The following ECT2L variants were observed in gnomAD, a reference collection of about 807,000 sequenced individuals.
ECT2L encodes the protein epithelial cell transforming 2 like.
A neutral mutation model predicts 122.8 loss-of-function variants in ECT2L; 126 were observed. The ratio of observed to expected loss-of-function variants is 1.03; its 90% CI spans 0.89 to 1.19. The LOEUF is 1.19. Ranked by LOEUF, ECT2L falls within the 50% of genes most tolerant of loss-of-function variation. The probability of loss-of-function intolerance (pLI) is 0.00; values close to 1 mark genes in which losing one functional copy is unlikely to be tolerated. For synonymous variants in ECT2L, 385 were observed against 381.8 expected, an observed-to-expected ratio of 1.01 and a Z score of -0.10; for missense variants, 1,012 against 1,064.1, an observed-to-expected ratio of 0.95 and a Z score of 0.68.
At position 138,844,599 on chromosome 6, in the gene ECT2L, A is replaced by T; in HGVS notation, c.764+19A>T. The T allele has an allele frequency of 2.5e-6, 4 of 1,612,298 alleles. No homozygotes were observed. In the South Asian group the frequency reaches 4.4e-5, roughly 18 times the overall value. ...CCAAGCGGTAAGCAAAATTCCATCTACTGAAGGCTCAACACCATCCCAATA... is the reference window on the plus strand; with the variant it reads ...CCAAGCGGTAAGCAAAATTCCATCTTCTGAAGGCTCAACACCATCCCAATA... On this transcript the variant is annotated intron_variant, in intron 7 of 21. Coordinates refer to ENST00000541398, the MANE Select transcript of ECT2L (RefSeq NM_001077706.3).
intron 13 of ECT2L, among the ~76,000 whole-genome samples, chr6:138,868,904 T>C (rs1004779152): frequency 1.3e-5 from 2 of 152,188 alleles, no homozygotes. Flanking sequence ...TGGTGGCTTA[T>C]GCCTGTAATC....
chr6:138,886,740 A>G (rs1778834929), intron 18 of ECT2L, 117 bp from the exon 19 acceptor site: 4 of 758,610 alleles, frequency 5.3e-6, no homozygotes, highest in Non-Finnish European at 8.8e-6. Context: ...ACTTTCTATT[A>G]TAACATATGA....
At chr6:138,816,707 G>A (rs985632875) in intron 4 of ECT2L, among the ~76,000 whole-genome samples, 7 of 152,128 alleles carry the variant, frequency 4.6e-5, no homozygotes, top group African/African-American at 1.7e-4. Flanking sequence ...GGATGGTCTC[G>A]ATCTCCTGAT....
intron 20 of ECT2L, among the ~76,000 whole-genome samples, chr6:138,893,819 C>T (rs1047733263): frequency 1.3e-5 from 2 of 152,260 alleles, no homozygotes; most frequent in Non-Finnish European, 2.9e-5. Flanking sequence ...TTATTAAATG[C>T]TAAAGCTAGT....
intron 12 of ECT2L, among the ~76,000 whole-genome samples, chr6:138,867,590 A>G (rs1188851): frequency 0.2 from 29,975 of 149,772 alleles, 3,254 homozygotes; most frequent in Non-Finnish European, 0.24. Context: ...CAGGAGGATC[A>G]CTTGAGGTCA....
intron 4 of ECT2L, among the ~76,000 whole-genome samples, chr6:138,824,558 T>TAAAAAAAAA (rs748380178): frequency 5.1e-4 from 67 of 131,632 alleles, no homozygotes; most frequent in Non-Finnish European, 7.1e-4. Context: ...AAAAAAACTA[T>TAAAAAAAAA]AAAAAAAAAC....
intron 20 of ECT2L, among the ~76,000 whole-genome samples, chr6:138,897,536 ATTTAG>A (rs904915207): frequency 9.9e-5 from 15 of 152,094 alleles, no homozygotes; most frequent in African/African-American, 3.6e-4. Flanking sequence ...GCTTTTGCGT[ATTTAG>A]TTTAACCGTA....
intron 5 of ECT2L, among the ~76,000 whole-genome samples, chr6:138,839,134 ATCTC>A (rs2128387429): frequency 6.6e-6 from 1 of 152,248 alleles, no homozygotes; most frequent in South Asian, 2.1e-4. Context: ...TTTGTATATT[ATCTC>A]TGATAACTCA....
At chr6:138,896,854 G>T (rs1024477557) in intron 20 of ECT2L, among the ~76,000 whole-genome samples, 3 of 151,980 alleles carry the variant, frequency 2.0e-5, no homozygotes, top group Admixed American at 6.6e-5. Flanking sequence ...CGCCATGTTG[G>T]CCAGGCTAGT....
intron 18 of ECT2L, among the ~76,000 whole-genome samples, chr6:138,886,455 T>C (rs1169953391): frequency 1.3e-5 from 2 of 152,204 alleles, no homozygotes; most frequent in African/African-American, 2.4e-5. Context: ...TCACCAAGGC[T>C]TGAGTGTAGT....
intron 11 of ECT2L, 130 bp from the exon 12 acceptor site, chr6:138,864,866 A>T: frequency 1.3e-6 from 1 of 798,692 alleles, no homozygotes; most frequent in Non-Finnish European, 1.9e-6. Flanking sequence ...TGTTTGTCTT[A>T]GTCTTCTAAT....
At chr6:138,886,305 G>A (rs1778819570) in intron 18 of ECT2L, among the ~76,000 whole-genome samples, 2 of 152,122 alleles carry the variant, frequency 1.3e-5, no homozygotes, top group African/African-American at 2.4e-5. Context: ...ACAGGCATCT[G>A]GGCTGAATGT....
intron 4 of ECT2L, among the ~76,000 whole-genome samples, chr6:138,830,701 C>G (rs11155013): frequency 2.0e-5 from 3 of 151,966 alleles, no homozygotes; most frequent in Non-Finnish European, 4.4e-5. Flanking sequence ...GATGCCATGA[C>G]AGAAGATTAA....
In ECT2L at chr6:138,856,994, C is replaced by A. The variant is rs138584977; in HGVS notation, c.1198+2840C>A. Among the ~76,000 whole-genome samples, 980 of 152,224 alleles carry A rather than the reference C, an allele frequency of 6.4e-3. 7 individuals carry two copies. The highest frequency in any genetic ancestry group is 0.014 in the Middle Eastern group (4 of 294). ...GGGAACTCCCTAATTTTCCTCCTAC[C>A]GTCGAATCCACCACCAGCTCCACCT... is the stretch of plus-strand genomic sequence containing the variant. On this transcript the variant is annotated intron_variant, in intron 10 of 21. Coordinates refer to ENST00000541398, the MANE Select transcript of ECT2L (RefSeq NM_001077706.3).
rs1170631663 is a variant in ECT2L, at chr6:138,847,355, C to CTTTTTTTTT, written c.903+703_903+711dup. On this transcript the variant is annotated intron_variant, in intron 8 of 21. Transcript: ENST00000541398. ...TTTGAAAAAGCATTAAAGGCCCAAA[C>CTTTTTTTTT]TTTTTTTTTTTTTTTTTTTTTTTTT... Among the ~76,000 whole-genome samples, 35 of 54,958 alleles carry CTTTTTTTTT rather than the reference C, an allele frequency of 6.4e-4. 7 individuals are homozygous for CTTTTTTTTT. The highest frequency in any genetic ancestry group is 1.8e-3 in the African/African-American group (22 of 12,294). 36.1% of individuals were successfully genotyped at this position (54,958 alleles called of 152,430 possible).
intron 1 of ECT2L, among the ~76,000 whole-genome samples, chr6:138,804,582 A>AACACACAC (rs367560936): frequency 1.2e-3 from 180 of 146,472 alleles, no homozygotes; most frequent in African/African-American, 4.2e-3. Flanking sequence ...TGAAGTTTTA[A>AACACACAC]ACACACACAC....
At chr6:138,808,786 G>A (rs1775795554) in intron 1 of ECT2L, among the ~76,000 whole-genome samples, 1 of 149,202 alleles carries the variant, frequency 6.7e-6, no homozygotes, top group Admixed American at 6.7e-5. Context: ...GAGTTCAGTG[G>A]CGCAATCTCG....
intron 1 of ECT2L, among the ~76,000 whole-genome samples, chr6:138,797,863 C>T (rs943813376): frequency 6.6e-6 from 1 of 152,098 alleles, no homozygotes; most frequent in Admixed American, 6.6e-5. Context: ...AAGACTGCCC[C>T]CCACTTCAAA....
chr6:138,801,387 TAATA>T (rs1223531502), intron 1 of ECT2L, among the ~76,000 whole-genome samples: 2 of 152,228 alleles, frequency 1.3e-5, no homozygotes, highest in African/African-American at 4.8e-5. Context: ...AAGGCCCAGA[TAATA>T]AATATTTTTT....
Sources: gnomAD v4.1 joint callset for allele counts (sites outside exome capture counted in the v4.1 genomes callset) on GRCh38, gnomAD v4.1.1 for gene constraint, MANE v1.5 for transcripts, NCBI Gene and HGNC (gene_info 2026-07-23, HGNC 2026-07-21) for gene names.